STAT4: variants seen among roughly 807,000 people sequenced by gnomAD.
STAT4 encodes the protein signal transducer and activator of transcription 4.
Under a neutral mutation model 110.5 loss-of-function variants are expected in STAT4, and 42 were observed. The ratio of observed to expected loss-of-function variants is 0.38; its 90% CI spans 0.30 to 0.49. The LOEUF (loss-of-function observed/expected upper bound fraction) is 0.49, where lower values mean the gene tolerates loss of function less well. Among genes scored for constraint, STAT4 ranks in the 20% least tolerant of loss-of-function variants. The pLI is 0.95. For synonymous variants in STAT4, 284 were observed against 302.2 expected, an observed-to-expected ratio of 0.94 and a Z score of 0.63; for missense variants, 632 against 887.9, an observed-to-expected ratio of 0.71 and a Z score of 3.66.
chr2:191,141,465 GTATATCACATACATAC>G (rs1177449239), intron 3 of STAT4, among the ~76,000 whole-genome samples: 1 of 68,684 alleles, frequency 1.5e-5, no homozygotes, highest in African/African-American at 5.4e-5. Flanking sequence ...ATATACATAT[GTATATCACATACATAC>G]ATATACATAT....
intron 7 of STAT4, among the ~76,000 whole-genome samples, chr2:191,065,276 A>G (rs1284521553): frequency 6.6e-6 from 1 of 152,146 alleles, no homozygotes; most frequent in Non-Finnish European, 1.5e-5. Context: ...TATTAAAAGG[A>G]TATTTATATA....
intron 3 of STAT4, among the ~76,000 whole-genome samples, chr2:191,102,194 G>A (rs141728892): frequency 0.014 from 2,095 of 152,002 alleles, 44 homozygotes; most frequent in African/African-American, 0.048. Flanking sequence ...CATGCTTACC[G>A]TTCCAATAAT....
chr2:191,071,126 T>C (rs886904135), intron 5 of STAT4, among the ~76,000 whole-genome samples: 29 of 152,200 alleles, frequency 1.9e-4, no homozygotes, highest in Admixed American at 1.4e-3. Flanking sequence ...TTGAGCAACC[T>C]GTGCTGTGCC....
chr2:191,058,195 G>C lies in STAT4; in HGVS notation c.1112+7C>G, dbSNP rs560866591. ...GCAACAAAGTTTCCACAAAGTAAAT[G>C]TCTTACCTTAGAGTTGAAACATTCC... On this transcript the variant is annotated splice_region_variant and intron_variant, in intron 12 of 23. Coordinates refer to ENST00000392320, the MANE Select transcript of STAT4 (RefSeq NM_003151.4). This position sits in a 1 kb window ranked among gnomAD's most constrained non-coding sequence, Gnocchi z 4.3. 3.1e-6 allele frequency: 5 copies of C among 1,613,854 alleles called. No homozygotes were observed. In the South Asian group the frequency reaches 5.5e-5, roughly 18 times the overall value.
chr2:191,064,168 A>G (rs1696922498), intron 8 of STAT4, among the ~76,000 whole-genome samples: 1 of 152,214 alleles, frequency 6.6e-6, no homozygotes, highest in African/African-American at 2.4e-5. Flanking sequence ...AAAATTGTAT[A>G]TATTTGTGGT....
At chr2:191,128,390 G>A (rs779865633) in intron 3 of STAT4, among the ~76,000 whole-genome samples, 11 of 152,158 alleles carry the variant, frequency 7.2e-5, no homozygotes, top group Admixed American at 2.6e-4. Flanking sequence ...AACTGAGAAA[G>A]CAACATGAGT....
rs992343905 is a variant in STAT4, at chr2:191,053,964, C to T, written c.1251+526G>A. 7.3e-5 allele frequency among the ~76,000 whole-genome samples: 11 copies of T among 151,702 alleles called. No individual in the cohort carries two copies. Among genetic ancestry groups the T allele is most frequent in the African/African-American group, 1.5e-4 (6 of 41,296 alleles). ...GAAACATGGTGGGACTCTGTCTCTA[C>T]GAAAAATACAAAAACTAGCCAGGTA... On this transcript the variant is annotated intron_variant, in intron 14 of 23. Coordinates refer to ENST00000392320, the MANE Select transcript of STAT4 (RefSeq NM_003151.4). The surrounding 1 kb of genome is among the most constrained non-coding windows in gnomAD (Gnocchi z 4.5).
At position 191,059,637 on chromosome 2, in the gene STAT4, G is replaced by C. The variant is rs1017334475; in HGVS notation, c.1035-868C>G. 1.3e-5 allele frequency among the ~76,000 whole-genome samples: 2 copies of C among 152,214 alleles called. No individual in the cohort carries two copies. The highest frequency in any genetic ancestry group is 4.8e-5 in the African/African-American group (2 of 41,454). On this transcript the variant is annotated intron_variant, in intron 10 of 23. Coordinates refer to ENST00000392320, the MANE Select transcript of STAT4 (RefSeq NM_003151.4). The surrounding 1 kb of genome is among the most constrained non-coding windows in gnomAD (Gnocchi z 4.7). ...AACGTGGACGTGGCTCTACATAAAA[G>C]GAGGGAGTCCAGGCACACAAATGGA...
In STAT4 at chr2:191,150,073, T is replaced by C. The variant is rs1482971054; in HGVS notation, c.-2+874A>G. Among the ~76,000 whole-genome samples the C allele has an allele frequency of 2.0e-5, 3 of 152,228 alleles. No individual in the cohort carries two copies. The highest frequency in any genetic ancestry group is 4.4e-5 in the Non-Finnish European group (3 of 68,034). ...ATATCCTTTGATCATAACACATTGT[T>C]CATATTTATTGAAATATCACTGTAT... On this transcript the variant is annotated intron_variant, in intron 1 of 23. Coordinates refer to ENST00000392320, the MANE Select transcript of STAT4 (RefSeq NM_003151.4). This position sits in a 1 kb window ranked among gnomAD's most constrained non-coding sequence, Gnocchi z 6.4.
At position 191,082,014 on chromosome 2, in the gene STAT4, A is replaced by C. The variant is rs1697496989; in HGVS notation, c.274-5689T>G. ...TACATCTTAATGATAATACTGTGCAATGCATGAATCATTCACTCCAGGGTC... is the reference window on the plus strand; with the variant it reads ...TACATCTTAATGATAATACTGTGCACTGCATGAATCATTCACTCCAGGGTC... On this transcript the variant is annotated intron_variant, in intron 3 of 23. Coordinates refer to ENST00000392320, the MANE Select transcript of STAT4 (RefSeq NM_003151.4). The surrounding 1 kb of genome is among the most constrained non-coding windows in gnomAD (Gnocchi z 4.7). Among the ~76,000 whole-genome samples the C allele has an allele frequency of 6.6e-6, 1 of 152,168 alleles. No individual in the cohort carries two copies. Among genetic ancestry groups the C allele is most frequent in the Non-Finnish European group, 1.5e-5 (1 of 68,038 alleles).
chr2:191,033,723 G>A lies in STAT4; in HGVS notation c.1716-97C>T. The A allele has an allele frequency of 2.0e-6, 3 of 1,507,694 alleles. No homozygotes were observed. The highest frequency in any genetic ancestry group is 2.7e-6 in the Non-Finnish European group (3 of 1,117,714). The allele number at this position is 1,507,694 out of a possible 1,614,324, so 93.4% of individuals were successfully genotyped here. ...CAGTTTGTTTTGAGTGTAATCAAAA[G>A]TCATTCTTACCTGAAATACTCATAT... is the stretch of plus-strand genomic sequence containing the variant. On this transcript the variant is annotated intron_variant, in intron 19 of 23. Transcript: ENST00000392320. This position sits in a 1 kb window ranked among gnomAD's most constrained non-coding sequence, Gnocchi z 6.9.
In STAT4 at chr2:191,034,529, T is replaced by C. The variant is rs769711196; in HGVS notation, c.1620+19A>G. ...ATTAAAAAAATGTATCTAAATGATG[T>C]TTCCCCGACCGTTTGTACCTTGCAG... On this transcript the variant is annotated intron_variant, in intron 18 of 23. Transcript: ENST00000392320. 5 of 1,601,306 alleles carry C rather than the reference T, an allele frequency of 3.1e-6. No homozygotes were observed. In the African/African-American group the frequency reaches 4.0e-5, roughly 13 times the overall value.
rs1244810389 is a variant in STAT4, at chr2:191,107,839, G to A, written c.274-31514C>T. Among the ~76,000 whole-genome samples, 1 of 152,158 alleles carries A rather than the reference G, an allele frequency of 6.6e-6. No homozygotes were observed. Among genetic ancestry groups the A allele is most frequent in the Non-Finnish European group, 1.5e-5 (1 of 68,022 alleles). On this transcript the variant is annotated intron_variant, in intron 3 of 23. Coordinates refer to ENST00000392320, the MANE Select transcript of STAT4 (RefSeq NM_003151.4). This position sits in a 1 kb window ranked among gnomAD's most constrained non-coding sequence, Gnocchi z 4.2. Reference sequence around the variant, plus strand: ...TAGTTTTTCAGCAAGTATTTATTATGTGAAGAAGTCCTAACATTTCTATAG... The same window carrying A: ...TAGTTTTTCAGCAAGTATTTATTATATGAAGAAGTCCTAACATTTCTATAG...
intron 3 of STAT4, among the ~76,000 whole-genome samples, chr2:191,145,219 T>C (rs982467602): frequency 6.6e-6 from 1 of 152,174 alleles, no homozygotes; most frequent in African/African-American, 2.4e-5. Context: ...AAAGCAATCA[T>C]AAACAATATG....
chr2:191,031,510 C>G lies in STAT4; in HGVS notation c.2051G>C (p.Arg684Thr), dbSNP rs1412013869. 6.2e-7 allele frequency: 1 copy of G among 1,612,072 alleles called. No individual in the cohort carries two copies. Among genetic ancestry groups the G allele is most frequent in the Admixed American group, 1.7e-5 (1 of 59,850 alleles). ...ACCTTTGTCACCCCTTTCTGTTGGTCTTGAAACTGGAAAACAAAAAGGCAC... is the reference window on the plus strand; with the variant it reads ...ACCTTTGTCACCCCTTTCTGTTGGTGTTGAAACTGGAAAACAAAAAGGCAC... The part of the protein sequence containing the change: ...HYSSQPCEVS[R>T]PTERGDKGYV... Residue 684 changes from arginine (R) to threonine (T), a missense_variant, in exon 22 of 24, where the codon AGA becomes ACA. This residue lies in a region of STAT4 where 38 missense variants were observed against 33.2 expected (regional missense o/e 1.15). Coordinates refer to ENST00000392320, the MANE Select transcript of STAT4 (RefSeq NM_003151.4). The surrounding 1 kb of genome is among the most constrained non-coding windows in gnomAD (Gnocchi z 4.8).
chr2:191,119,186 TA>T (rs1386559065), intron 3 of STAT4, among the ~76,000 whole-genome samples: 1 of 152,130 alleles, frequency 6.6e-6, no homozygotes, highest in Non-Finnish European at 1.5e-5. Context: ...GGTGAAAAAC[TA>T]AAAAATTAAT....
intron 3 of STAT4, among the ~76,000 whole-genome samples, chr2:191,126,077 C>T (rs894814796): frequency 6.6e-6 from 1 of 152,226 alleles, no homozygotes; most frequent in African/African-American, 2.4e-5. Flanking sequence ...CCTTCAGTCA[C>T]AATTTTAAAG....
chr2:191,032,876 A>T lies in STAT4; in HGVS notation c.2044+82T>A, dbSNP rs1212652628. ...GAAATCAGAGTAAACAAGAAGGGGA[A>T]CTTCATTTACTTTGCTCCAATATGA... On this transcript the variant is annotated intron_variant, in intron 21 of 23. Transcript: ENST00000392320. This position sits in a 1 kb window ranked among gnomAD's most constrained non-coding sequence, Gnocchi z 4.9. 7.4e-7 allele frequency: 1 copy of T among 1,348,168 alleles called. No individual in the cohort carries two copies. Among genetic ancestry groups the T allele is most frequent in the East Asian group, 2.3e-5 (1 of 43,078 alleles). 83.5% of individuals were successfully genotyped at this position (1,348,168 alleles called of 1,614,324 possible).
intron 3 of STAT4, among the ~76,000 whole-genome samples, chr2:191,101,874 A>G: frequency 6.6e-6 from 1 of 152,148 alleles, no homozygotes; most frequent in East Asian, 1.9e-4. Flanking sequence ...TAACTGAGAT[A>G]TGACATGTCC....
Sources: gnomAD v4.1 joint callset for allele counts (sites outside exome capture counted in the v4.1 genomes callset) on GRCh38, gnomAD v4.1.1 for gene constraint, gnomAD v4.1.1 regional missense constraint, Gnocchi (gnomAD v3.1) non-coding constraint, MANE v1.5 for transcripts, NCBI Gene and HGNC (gene_info 2026-07-23, HGNC 2026-07-21) for gene names.